Variants in B3GLCT observed in about 807,000 individuals in gnomAD.
B3GLCT encodes beta 3-glucosyltransferase.
A neutral mutation model predicts 63.4 loss-of-function variants in B3GLCT; 65 were observed. The ratio of observed to expected loss-of-function variants is 1.03; its 90% CI spans 0.84 to 1.26. The LOEUF (loss-of-function observed/expected upper bound fraction) is 1.26. Ranked by LOEUF, B3GLCT falls within the 50% of genes most tolerant of loss-of-function variation. The pLI, the probability that B3GLCT is intolerant of heterozygous loss-of-function variation, is 0.00. For synonymous variants in B3GLCT, 233 were observed against 219.2 expected (o/e 1.06, Z -0.55); for missense variants, 577 against 604.8 (o/e 0.95, Z 0.48).
chr13:31,309,159 T>G (rs1333140736), intron 12 of B3GLCT, among the ~76,000 whole-genome samples: 1 of 152,136 alleles, frequency 6.6e-6, no homozygotes, highest in African/African-American at 2.4e-5. Context: ...TCCCCCAGGC[T>G]TTTATCCTTT....
intron 6 of B3GLCT, among the ~76,000 whole-genome samples, chr13:31,259,100 A>G (rs1156360572): frequency 6.6e-6 from 1 of 151,932 alleles, no homozygotes; most frequent in Non-Finnish European, 1.5e-5. Context: ...TAGATTTTTC[A>G]TTTGGCTCTT....
chr13:31,230,806 G>A (rs1039357097), intron 4 of B3GLCT, among the ~76,000 whole-genome samples: 5 of 151,990 alleles, frequency 3.3e-5, no homozygotes. Context: ...TTGAGAGATC[G>A]AGACCATCCT....
At chr13:31,251,630 C>T (rs1164896627) in intron 6 of B3GLCT, among the ~76,000 whole-genome samples, 1 of 151,972 alleles carries the variant, frequency 6.6e-6, no homozygotes, top group Non-Finnish European at 1.5e-5. Flanking sequence ...GATTGAAGAT[C>T]AACTCAATGA....
At chr13:31,251,588 C>G (rs556036827) in intron 6 of B3GLCT, among the ~76,000 whole-genome samples, 1 of 151,954 alleles carries the variant, frequency 6.6e-6, no homozygotes, top group Admixed American at 6.6e-5. Flanking sequence ...TACCAATAGC[C>G]GAATCGATCA....
At chr13:31,270,325 G>A (rs904294687) in intron 8 of B3GLCT, among the ~76,000 whole-genome samples, 1 of 152,120 alleles carries the variant, frequency 6.6e-6, no homozygotes, top group Non-Finnish European at 1.5e-5. Flanking sequence ...GCACACACAA[G>A]ACTTTCTGAC....
chr13:31,222,249 T>C (rs1266406194), intron 2 of B3GLCT, among the ~76,000 whole-genome samples: 1 of 152,012 alleles, frequency 6.6e-6, no homozygotes, highest in Non-Finnish European at 1.5e-5. Context: ...CGGCTAACTT[T>C]TGTATTTTTA....
chr13:31,259,770 C>T (rs1426659611), intron 6 of B3GLCT, among the ~76,000 whole-genome samples: 1 of 151,660 alleles, frequency 6.6e-6, no homozygotes, highest in Non-Finnish European at 1.5e-5. Context: ...CATGGATGGG[C>T]TTTCTAATTC....
chr13:31,323,661 G>A, intron 13 of B3GLCT, 90 bp from the exon 14 acceptor site: 2 of 1,447,818 alleles, frequency 1.4e-6, no homozygotes, highest in Non-Finnish European at 9.7e-7. Context: ...CAGTCTGCAG[G>A]AGTAAAGTCC....
chr13:31,272,458 T>G (rs1447714998), intron 8 of B3GLCT, among the ~76,000 whole-genome samples: 1 of 152,108 alleles, frequency 6.6e-6, no homozygotes, highest in African/African-American at 2.4e-5. Flanking sequence ...CCTTGTGATC[T>G]GCCCACCTTG....
intron 7 of B3GLCT, among the ~76,000 whole-genome samples, chr13:31,268,276 T>C (rs1006989932): frequency 2.0e-5 from 3 of 152,236 alleles, no homozygotes; most frequent in African/African-American, 7.2e-5. Context: ...TTTGGGTAAG[T>C]ATTCCTCCCT....
At position 31,332,181 on chromosome 13, in the gene B3GLCT, T is replaced by C. The variant is rs193168932; in HGVS notation, c.*2513T>C. ...TTGTATATATCCTCAAAAATTAATG[T>C]AATTGACATCTTCAAGAATGTTTCT... is the stretch of plus-strand genomic sequence containing the variant. On this transcript the variant is annotated 3_prime_UTR_variant, in exon 15 of 15. Transcript: ENST00000343307. The C allele has an allele frequency of 9.8e-5, 15 of 152,318 alleles. No individual in the cohort carries two copies. The highest frequency in any genetic ancestry group is 3.6e-4 in the African/African-American group (15 of 41,588). The allele number at this position is 152,318 out of a possible 1,614,324, so 9.4% of individuals were successfully genotyped here.
chr13:31,313,862 AG>A, intron 12 of B3GLCT, among the ~76,000 whole-genome samples: 1 of 151,984 alleles, frequency 6.6e-6, no homozygotes, highest in South Asian at 2.1e-4. Context: ...AGGAGGAAAA[AG>A]TGGTTTGTTT....
chr13:31,327,125 C>G (rs1458099491), intron 14 of B3GLCT, among the ~76,000 whole-genome samples: 1 of 152,164 alleles, frequency 6.6e-6, no homozygotes, highest in Non-Finnish European at 1.5e-5. Context: ...CCTACGTATA[C>G]TATGTTTTTT....
chr13:31,284,768 C>G lies in B3GLCT; in HGVS notation c.964+7C>G. The G allele has an allele frequency of 7.2e-7, 1 of 1,379,484 alleles. No individual in the cohort carries two copies. The highest frequency in any genetic ancestry group is 1.2e-5 in the South Asian group (1 of 86,176). The allele number at this position is 1,379,484 out of a possible 1,614,324, so 85.5% of individuals were successfully genotyped here. On this transcript the variant is annotated splice_region_variant and intron_variant, in intron 11 of 14. Transcript: ENST00000343307. Reference sequence around the variant, plus strand: ...ATTCCTAATACAGATAGAGGTGAGTCATAATTCTTACTACTCTCCTTATTA... The same window carrying G: ...ATTCCTAATACAGATAGAGGTGAGTGATAATTCTTACTACTCTCCTTATTA...
chr13:31,245,981 T>C (rs1274251507), intron 4 of B3GLCT, among the ~76,000 whole-genome samples: 2 of 152,314 alleles, frequency 1.3e-5, no homozygotes, highest in East Asian at 1.9e-4. Flanking sequence ...TTGAAATGAA[T>C]ATTATATAAA....
At chr13:31,220,296 T>C (rs1414811514) in intron 2 of B3GLCT, among the ~76,000 whole-genome samples, 1 of 152,240 alleles carries the variant, frequency 6.6e-6, no homozygotes. Context: ...TTCAAATCTT[T>C]TGTGACTTAA....
intron 1 of B3GLCT, among the ~76,000 whole-genome samples, chr13:31,214,569 C>T (rs1246184915): frequency 1.3e-5 from 2 of 152,172 alleles, no homozygotes; most frequent in Admixed American, 6.5e-5. Flanking sequence ...GTATCTGCAT[C>T]ACACTTCTAA....
At chr13:31,308,897 T>C (rs1186687288) in intron 12 of B3GLCT, among the ~76,000 whole-genome samples, 1 of 152,222 alleles carries the variant, frequency 6.6e-6, no homozygotes, top group Admixed American at 6.5e-5. Context: ...GAAATCTAAG[T>C]TTGGTGTATG....
rs1213709137 is a variant in B3GLCT at position 31,284,673 on chromosome 13, G to T, written c.876G>T (p.Glu292Asp). The change falls in exon 11 of 15, where the codon GAG becomes GAT. Residue 292 changes from glutamate to aspartate, a missense_variant. Glu to Asp is a conservative substitution (Grantham distance 45, BLOSUM62 2). Transcript: ENST00000343307. ...DRIPIVKQTW[E>D]SQASLIEYYS... The stretch of plus-strand genomic sequence containing the variant: ...TACCTATTGTTAAGCAGACTTGGGA[G>T]AGCCAGGCAAGTCTCATTGAATACT... The T allele has an allele frequency of 6.2e-7, 1 of 1,609,440 alleles. No homozygotes were observed. Among genetic ancestry groups the T allele is most frequent in the South Asian group, 1.1e-5 (1 of 90,998 alleles).
Sources: gnomAD v4.1 joint callset for allele counts (sites outside exome capture counted in the v4.1 genomes callset) on GRCh38, gnomAD v4.1.1 for gene constraint, MANE v1.5 for transcripts, NCBI Gene and HGNC (gene_info 2026-07-23, HGNC 2026-07-21) for gene names.